The following SEPTIN11 variants were observed in gnomAD, a reference collection of about 807,000 sequenced individuals.
SEPTIN11 encodes the protein septin 11, also known as septin-11.
SEPTIN11 carries 25 observed loss-of-function variants against 51.4 expected under a neutral mutation model. That is an observed-to-expected ratio of 0.49 (90% CI 0.35 to 0.68). The LOEUF (loss-of-function observed/expected upper bound fraction) is 0.68, where lower values mean the gene tolerates loss of function less well. Among genes scored for constraint, SEPTIN11 ranks in the 30% least tolerant of loss-of-function variants. The pLI is 0.00. For missense variants in SEPTIN11, 381 were observed against 520.8 expected (o/e 0.73, Z 2.61); for synonymous variants, 174 against 184.1 (o/e 0.95, Z 0.44).
At chr4:77,018,479 G>A (rs934726924) in intron 5 of SEPTIN11, among the ~76,000 whole-genome samples, 1 of 151,960 alleles carries the variant, frequency 6.6e-6, no homozygotes, top group African/African-American at 2.4e-5. Context: ...TTTAATGTAG[G>A]TCTTTGAGAT....
intron 3 of SEPTIN11, among the ~76,000 whole-genome samples, chr4:77,011,174 G>C (rs1724835620): frequency 6.6e-6 from 1 of 152,146 alleles, no homozygotes; most frequent in Admixed American, 6.5e-5. Flanking sequence ...GGAGGAATAG[G>C]GCAGATGACC....
rs560630589 is a variant in SEPTIN11 at position 77,024,743 on chromosome 4, G to A, written c.954-3886G>A. Among the ~76,000 whole-genome samples the A allele has an allele frequency of 6.6e-6, 1 of 152,214 alleles. No individual in the cohort carries two copies. Among genetic ancestry groups the A allele is most frequent in the Admixed American group, 6.5e-5 (1 of 15,284 alleles). On this transcript the variant is annotated intron_variant, in intron 7 of 9. Coordinates refer to ENST00000264893, the MANE Select transcript of SEPTIN11 (RefSeq NM_018243.4). This position sits in a 1 kb window ranked among gnomAD's most constrained non-coding sequence, Gnocchi z 4.2. ...CCAGCCATGCAGTGCAGGAGATGGA[G>A]TTCTTATCTGAGCAAGGCAGCCTGG... is the stretch of plus-strand genomic sequence containing the variant.
chr4:76,970,450 G>T (rs936433183), intron 1 of SEPTIN11, among the ~76,000 whole-genome samples: 3 of 152,158 alleles, frequency 2.0e-5, no homozygotes, highest in Admixed American at 6.5e-5. Context: ...AAACATTACT[G>T]TGGCAAAACA....
chr4:77,021,742 C>T (rs185799429), intron 7 of SEPTIN11: 4 of 152,456 alleles, frequency 2.6e-5, no homozygotes, highest in Admixed American at 6.5e-5. Context: ...ACAATAGAAC[C>T]GGAGGCAGCC....
intron 1 of SEPTIN11, among the ~76,000 whole-genome samples, chr4:76,973,723 C>T (rs1722357059): frequency 6.6e-6 from 1 of 152,168 alleles, no homozygotes; most frequent in East Asian, 1.9e-4. Context: ...GGCTCTGTTA[C>T]TTACTTGCTC....
intron 1 of SEPTIN11, among the ~76,000 whole-genome samples, chr4:76,961,553 C>A (rs967272060): frequency 1.3e-5 from 2 of 152,174 alleles, no homozygotes; most frequent in Admixed American, 6.5e-5. Context: ...ATACACCTCG[C>A]CTACTGAACA....
rs1726979046 is a variant in SEPTIN11, at chr4:77,035,723, G to T, written c.*1211G>T. ...CCTTGGCTAGCTCCACCTGCTCTTT[G>T]TCTAAGGCCCTTGCCTCATCAGGGA... is the stretch of plus-strand genomic sequence containing the variant. On this transcript the variant is annotated 3_prime_UTR_variant, in exon 10 of 10. Transcript: ENST00000264893. The T allele has an allele frequency of 2.0e-6, 2 of 985,760 alleles. No individual in the cohort carries two copies. The highest frequency in any genetic ancestry group is 1.2e-6 in the Non-Finnish European group (1 of 829,948). The allele number at this position is 985,760 out of a possible 1,614,324, so 61.1% of individuals were successfully genotyped here.
At chr4:76,965,017 GCTAA>G (rs1468514427) in intron 1 of SEPTIN11, among the ~76,000 whole-genome samples, 1 of 152,066 alleles carries the variant, frequency 6.6e-6, no homozygotes, top group Non-Finnish European at 1.5e-5. Context: ...ACTTGGCATT[GCTAA>G]GTCATTCTTA....
chr4:76,975,019 A>G (rs1190935038), intron 1 of SEPTIN11, among the ~76,000 whole-genome samples: 1 of 151,852 alleles, frequency 6.6e-6, no homozygotes, highest in African/African-American at 2.4e-5. Flanking sequence ...GTCACTCAGA[A>G]GGCTGAGGCA....
At chr4:76,966,043 G>T (rs1312296304) in intron 1 of SEPTIN11, among the ~76,000 whole-genome samples, 1 of 152,212 alleles carries the variant, frequency 6.6e-6, no homozygotes, top group Non-Finnish European at 1.5e-5. Flanking sequence ...GTCTCCAGCA[G>T]AGTCTGCCCT....
At position 76,993,266 on chromosome 4, in the gene SEPTIN11, T is replaced by G. The variant is rs181777877; in HGVS notation, c.28-3159T>G. Among the ~76,000 whole-genome samples, 19 of 152,208 alleles carry G rather than the reference T, an allele frequency of 1.2e-4. No individual in the cohort carries two copies. The East Asian group carries it at 3.1e-3, about 25-fold the overall frequency. On this transcript the variant is annotated intron_variant, in intron 1 of 9. Coordinates refer to ENST00000264893, the MANE Select transcript of SEPTIN11 (RefSeq NM_018243.4). ...GGGATAGAGGAATATGATTTCAGTT[T>G]CATGAACATCAAGTTTGAAGTACAG...
intron 1 of SEPTIN11, among the ~76,000 whole-genome samples, chr4:76,960,080 A>G (rs551700395): frequency 6.6e-6 from 1 of 152,334 alleles, no homozygotes. Context: ...CACTTCGTGT[A>G]AGCCATTCTC....
rs1725994485 is a variant in SEPTIN11, at chr4:77,024,873, T to C, written c.954-3756T>C. ...GTGGGAGGTGATAGTAATGGCTACC[T>C]TATTGGGTTGTTGTAAGGATTAAAT... On this transcript the variant is annotated intron_variant, in intron 7 of 9. Transcript: ENST00000264893. The surrounding 1 kb of genome is among the most constrained non-coding windows in gnomAD (Gnocchi z 4.2). Among the ~76,000 whole-genome samples the C allele has an allele frequency of 6.6e-6, 1 of 152,194 alleles. No individual in the cohort carries two copies. The highest frequency in any genetic ancestry group is 1.5e-5 in the Non-Finnish European group (1 of 68,030).
chr4:77,019,231 G>T lies in SEPTIN11; in HGVS notation c.754G>T (p.Ala252Ser), dbSNP rs1211623287. 1 of 1,613,378 alleles carries T rather than the reference G, an allele frequency of 6.2e-7. No individual in the cohort carries two copies. Among genetic ancestry groups the T allele is most frequent in the Non-Finnish European group, 8.5e-7 (1 of 1,179,764 alleles). ...EVKIGNKMAK[A>S]RQYPWGVVQV... is the part of the protein sequence containing the mutation. ...GAAGATTGGCAACAAGATGGCAAAG[G>T]CCAGGCAGTACCCCTGGGGTGTGGT... Residue 252 changes from alanine (A) to serine (S), a missense_variant, in exon 6 of 10, where the codon GCC becomes TCC. Ala to Ser is a moderately conservative substitution (Grantham distance 99, BLOSUM62 1). Around this residue, in one of 2 missense-constraint regions of SEPTIN11, gnomAD observed 197 missense variants for 313.1 expected, o/e 0.63. Coordinates refer to ENST00000264893, the MANE Select transcript of SEPTIN11 (RefSeq NM_018243.4).
chr4:76,993,522 G>A (rs190932757), intron 1 of SEPTIN11, among the ~76,000 whole-genome samples: 46 of 152,224 alleles, frequency 3.0e-4, no homozygotes, highest in African/African-American at 9.1e-4. Flanking sequence ...GGAGGGATGC[G>A]GTTCAGCTGC....
intron 5 of SEPTIN11, among the ~76,000 whole-genome samples, chr4:77,018,432 G>A (rs1578191638): frequency 6.8e-6 from 1 of 147,334 alleles, no homozygotes; most frequent in South Asian, 2.1e-4. Context: ...CTGGGCAACA[G>A]AGCGAGACTC....
At chr4:76,951,313 C>A (rs185218573) in intron 1 of SEPTIN11, among the ~76,000 whole-genome samples, 1 of 152,182 alleles carries the variant, frequency 6.6e-6, no homozygotes, top group South Asian at 2.1e-4. Context: ...GCGGTCATAT[C>A]GAATCATGAC....
intron 1 of SEPTIN11, among the ~76,000 whole-genome samples, chr4:76,967,196 C>CA (rs1431488984): frequency 2.6e-5 from 4 of 151,594 alleles, no homozygotes; most frequent in African/African-American, 4.8e-5. Context: ...GACTCCATCA[C>CA]AAAAAAGAAA....
chr4:76,987,664 A>C (rs892342083), intron 1 of SEPTIN11: 1 of 153,042 alleles, frequency 6.5e-6, no homozygotes, highest in Non-Finnish European at 1.5e-5. Flanking sequence ...GTATCTACAG[A>C]AATGATTAAT....
Sources: gnomAD v4.1 joint callset for allele counts (sites outside exome capture counted in the v4.1 genomes callset) on GRCh38, gnomAD v4.1.1 for gene constraint, gnomAD v4.1.1 regional missense constraint, Gnocchi (gnomAD v3.1) non-coding constraint, MANE v1.5 for transcripts, NCBI Gene and HGNC (gene_info 2026-07-23, HGNC 2026-07-21) for gene names.